Variants in TARS3 observed in about 807,000 individuals in gnomAD.
TARS3 encodes threonyl-tRNA synthetase 3.
Under a neutral mutation model 103.5 loss-of-function variants are expected in TARS3, and 94 were observed. That is an observed-to-expected ratio of 0.91 (90% confidence interval 0.77 to 1.08). TARS3 has a LOEUF of 1.08. TARS3 is among the 50% of genes least tolerant of loss of function. The pLI is 0.00. For missense variants in TARS3, 952 were observed against 995.2 expected (o/e 0.96, Z 0.58); for synonymous variants, 416 against 355.4 (o/e 1.17, Z -1.92).
intron 13 of TARS3, 149 bp from the exon 14 acceptor site, chr15:101,671,897 A>G (rs2141391609): frequency 1.5e-6 from 1 of 678,502 alleles, no homozygotes; most frequent in South Asian, 2.0e-5. Flanking sequence ...TAAACTATTG[A>G]GCAGGGACTA....
intron 12 of TARS3, among the ~76,000 whole-genome samples, chr15:101,682,099 T>C (rs1898277709): frequency 6.6e-6 from 1 of 152,220 alleles, no homozygotes; most frequent in Non-Finnish European, 1.5e-5. Context: ...GTTTTAATTC[T>C]TTCCAATCTA....
intron 8 of TARS3, 77 bp from the exon 9 acceptor site, chr15:101,702,462 A>G (rs1015348076): frequency 8.1e-6 from 10 of 1,239,160 alleles, no homozygotes; most frequent in Non-Finnish European, 1.2e-5. Flanking sequence ...TACAAATGCA[A>G]TTTTCCACTA....
At chr15:101,666,995 G>C (rs1897604662) in intron 15 of TARS3, among the ~76,000 whole-genome samples, 1 of 152,196 alleles carries the variant, frequency 6.6e-6, no homozygotes, top group Admixed American at 6.5e-5. Context: ...ATTGTGCCTT[G>C]ATCCATGGGC....
intron 9 of TARS3, among the ~76,000 whole-genome samples, chr15:101,701,956 C>T (rs8043527): frequency 0.98 from 149,021 of 152,258 alleles, 73,010 homozygotes; most frequent in Middle Eastern, 1. Flanking sequence ...TTTTGTATTT[C>T]TAGTAGAGGT....
intron 10 of TARS3, among the ~76,000 whole-genome samples, chr15:101,691,802 A>G (rs2029702): frequency 0.5 from 74,972 of 151,376 alleles, 20,162 homozygotes; most frequent in East Asian, 0.95. Context: ...TCTATTTTGT[A>G]TCCTTTGATC....
In TARS3 at chr15:101,711,960, C is replaced by T. The variant is rs138576200; in HGVS notation, c.732G>A (p.Met244Ile). The T allele has an allele frequency of 7.7e-4, 1,235 of 1,613,924 alleles. 13 individuals carry two copies. In the South Asian group the frequency reaches 8.0e-3, roughly 10 times the overall value. ...ACAGGTGGCCTCCATAGTAAAGCTCCATGGCCTCCCCAAGAATGTGAGCAC... is the reference window on the plus strand; with the variant it reads ...ACAGGTGGCCTCCATAGTAAAGCTCTATGGCCTCCCCAAGAATGTGAGCAC... ...HSSAHILGEAMELYYGGHLCY... is the reference protein window; with the variant it reads ...HSSAHILGEAIELYYGGHLCY... Residue 244 changes from methionine to isoleucine, a missense_variant, in exon 5 of 19, where the codon ATG becomes ATA. This residue lies in a region of TARS3 where 412 missense variants were observed against 364.2 expected (regional missense o/e 1.13). Coordinates refer to ENST00000335968, the MANE Select transcript of TARS3 (RefSeq NM_152334.3).
chr15:101,717,550 T>C (rs180685414), intron 3 of TARS3, among the ~76,000 whole-genome samples: 2 of 152,330 alleles, frequency 1.3e-5, no homozygotes, highest in African/African-American at 2.4e-5. Context: ...AGCCAATGGA[T>C]AGAAGGAGAA....
rs761392343 is a variant in TARS3, at chr15:101,654,767, C to A, written c.2261-37G>T. On this transcript the variant is annotated intron_variant, in intron 18 of 18. Transcript: ENST00000335968. ...AAAGGTAAAGAAATGTATTTTAAAT[C>A]AGCAATTTACCAAACATTAAGTCAG... The A allele has an allele frequency of 3.1e-6, 5 of 1,593,666 alleles. No individual in the cohort carries two copies. In the South Asian group the frequency reaches 5.6e-5, roughly 18 times the overall value.
chr15:101,683,395 T>A (rs1170585394), intron 12 of TARS3, among the ~76,000 whole-genome samples: 1 of 152,252 alleles, frequency 6.6e-6, no homozygotes. Flanking sequence ...AACATTAGGG[T>A]TAATTAAACA....
rs970589704 is a variant in TARS3 at position 101,724,281 on chromosome 15, T to A, written c.107A>T (p.Gln36Leu). 1.3e-6 allele frequency: 2 copies of A among 1,573,764 alleles called. No homozygotes were observed. Among genetic ancestry groups the A allele is most frequent in the Non-Finnish European group, 1.7e-6 (2 of 1,166,438 alleles). The change falls in exon 1 of 19, where the codon CAG becomes CTG. Residue 36 changes from glutamine to leucine, a missense_variant. By Grantham distance (113) the Gln-to-Leu change is moderately radical (BLOSUM62 -2). Coordinates refer to ENST00000335968, the MANE Select transcript of TARS3 (RefSeq NM_152334.3). The stretch of plus-strand genomic sequence containing the variant: ...CTGGCAGCTGTAGGGCGCGTTCAGC[T>A]GCTCGTCCCTCAGGCGCTCGACCTC... ...WSEVERLRDE[Q>L]LNAPYSCQAE...
chr15:101,698,249 G>A (rs913489407), intron 10 of TARS3, among the ~76,000 whole-genome samples: 9 of 152,256 alleles, frequency 5.9e-5, no homozygotes, highest in East Asian at 5.8e-4. Context: ...GGAGAATGGC[G>A]TGAGCCTGGG....
chr15:101,660,924 C>G (rs1398755565), intron 16 of TARS3, among the ~76,000 whole-genome samples: 3 of 152,216 alleles, frequency 2.0e-5, no homozygotes, highest in Admixed American at 6.5e-5. Flanking sequence ...AATACCACCT[C>G]TGTTGGCCCA....
chr15:101,703,633 GT>G (rs1291461450), intron 8 of TARS3, among the ~76,000 whole-genome samples: 1 of 152,000 alleles, frequency 6.6e-6, no homozygotes, highest in Non-Finnish European at 1.5e-5. Context: ...AAAAAGAAAT[GT>G]TATAACACTT....
At chr15:101,723,312 G>T in intron 1 of TARS3, 148 bp from the exon 2 acceptor site, 2 of 662,438 alleles carry the variant, frequency 3.0e-6, no homozygotes, top group Non-Finnish European at 5.4e-6. Context: ...CTCTCAGTGG[G>T]CAAGTCATTC....
chr15:101,705,885 A>C, intron 6 of TARS3, 138 bp from the exon 7 acceptor site: 1 of 745,540 alleles, frequency 1.3e-6, no homozygotes, highest in Non-Finnish European at 2.3e-6. Context: ...CAAAGAGCTC[A>C]CAGCCTTGAG....
At position 101,679,718 on chromosome 15, in the gene TARS3, C is replaced by T. The variant is rs61533529; in HGVS notation, c.1651-3981G>A. ...TCAATTTCTTAAACCTGGACATTTTCGGTTTTATAGTAAGCCTCTGGATCT... is the reference window on the plus strand; with the variant it reads ...TCAATTTCTTAAACCTGGACATTTTTGGTTTTATAGTAAGCCTCTGGATCT... On this transcript the variant is annotated intron_variant, in intron 12 of 18. Transcript: ENST00000335968. 2.4e-3 allele frequency among the ~76,000 whole-genome samples: 358 copies of T among 152,174 alleles called. 1 individual carries two copies. The highest frequency in any genetic ancestry group is 7.5e-3 in the African/African-American group (311 of 41,496).
intron 15 of TARS3, among the ~76,000 whole-genome samples, chr15:101,665,170 C>T (rs1436559568): frequency 6.6e-6 from 1 of 152,058 alleles, no homozygotes; most frequent in African/African-American, 2.4e-5. Flanking sequence ...GGTATAGTAC[C>T]AAAGAAATAT....
At chr15:101,702,423 A>T in intron 8 of TARS3, 38 bp from the exon 9 acceptor site, 1 of 1,558,324 alleles carries the variant, frequency 6.4e-7, no homozygotes, top group Non-Finnish European at 8.8e-7. Context: ...TATATCATAC[A>T]TTCAGTTGTA....
chr15:101,711,798 C>T (rs2141445787), intron 5 of TARS3, 82 bp downstream of exon 5: 1 of 1,510,244 alleles, frequency 6.6e-7, no homozygotes, highest in Admixed American at 1.9e-5. Flanking sequence ...CAGCAGTATA[C>T]AGTTACTAGG....
Sources: gnomAD v4.1 joint callset for allele counts (sites outside exome capture counted in the v4.1 genomes callset) on GRCh38, gnomAD v4.1.1 for gene constraint, gnomAD v4.1.1 regional missense constraint, MANE v1.5 for transcripts, NCBI Gene and HGNC (gene_info 2026-07-23, HGNC 2026-07-21) for gene names.